The following NTN5 variants were observed in gnomAD, a reference collection of about 807,000 sequenced individuals.
The protein encoded by NTN5 is netrin-5.
A neutral mutation model predicts 38.7 loss-of-function variants in NTN5; 42 were observed. The ratio of observed to expected loss-of-function variants is 1.08; its 90% confidence interval spans 0.85 to 1.40. The LOEUF is 1.40. NTN5 is among the 40% of genes most tolerant of loss of function. NTN5 has a pLI of 0.00. For synonymous variants in NTN5, 329 were observed against 303.9 expected (o/e 1.08, Z -0.86); for missense variants, 658 against 716.5 (o/e 0.92, Z 0.93).
At chr19:48,666,588 C>T (rs1430912840) in intron 2 of NTN5, among the ~76,000 whole-genome samples, 1 of 151,920 alleles carries the variant, frequency 6.6e-6, no homozygotes, top group Non-Finnish European at 1.5e-5. Context: ...TGCAAGGCTC[C>T]TCCCTAGGCT....
intron 2 of NTN5, chr19:48,667,460 C>A: frequency 3.1e-6 from 1 of 325,914 alleles, no homozygotes; most frequent in Non-Finnish European, 6.3e-6. Flanking sequence ...CATCCTCAGG[C>A]CTGGTGAGTC....
rs1292998480 is a variant in NTN5, at chr19:48,663,700, C to G, written c.1024+61G>C. ...GACCCATGTATCCCCATCTGGGGACCCAGTCAGCCCATCCTCATTCCCACT... is the reference window on the plus strand; with the variant it reads ...GACCCATGTATCCCCATCTGGGGACGCAGTCAGCCCATCCTCATTCCCACT... On this transcript the variant is annotated intron_variant, in intron 5 of 6. Coordinates refer to ENST00000270235, the MANE Select transcript of NTN5 (RefSeq NM_145807.4). 1.9e-6 allele frequency: 3 copies of G among 1,557,744 alleles called. No homozygotes were observed. The Middle Eastern group carries it at 5.4e-4, about 279-fold the overall frequency.
At chr19:48,665,854 T>C (rs1274450141) in intron 2 of NTN5, among the ~76,000 whole-genome samples, 1 of 151,488 alleles carries the variant, frequency 6.6e-6, no homozygotes, top group South Asian at 2.1e-4. Context: ...GGCTATGGCC[T>C]GTGGAATCAG....
rs1349141558 is a variant in NTN5, at chr19:48,669,144, TCATCACCAC to T, written c.631+1203_631+1211del. On this transcript the variant is annotated intron_variant, in intron 2 of 6. Coordinates refer to ENST00000270235, the MANE Select transcript of NTN5 (RefSeq NM_145807.4). ...CACCACCACCATCATCATATCACCA[TCATCACCAC>T]CATCACCACCACCACCATCACCACC... Among the ~76,000 whole-genome samples, 160 of 70,994 alleles carry T rather than the reference TCATCACCAC, an allele frequency of 2.3e-3. 3 individuals carry two copies. Among genetic ancestry groups the T allele is most frequent in the African/African-American group, 9.2e-3 (146 of 15,954 alleles). The allele number at this position is 70,994 out of a possible 152,430, so 46.6% of individuals were successfully genotyped here.
intron 2 of NTN5, among the ~76,000 whole-genome samples, chr19:48,669,703 C>T (rs1226835297): frequency 3.9e-5 from 5 of 127,788 alleles, no homozygotes; most frequent in South Asian, 2.7e-4. Context: ...ACCATCATCA[C>T]CATCACCACC....
At chr19:48,671,909 G>A (rs1312088546) in intron 1 of NTN5, among the ~76,000 whole-genome samples, 1 of 151,328 alleles carries the variant, frequency 6.6e-6, no homozygotes, top group Admixed American at 6.6e-5. Context: ...GCTGGGAGCT[G>A]GAACCTGGGT....
At chr19:48,665,692 G>A (rs1472947239) in intron 2 of NTN5, among the ~76,000 whole-genome samples, 2 of 151,754 alleles carry the variant, frequency 1.3e-5, no homozygotes, top group East Asian at 1.9e-4. Flanking sequence ...GGTGGCACGC[G>A]CCTGTAATCC....
Position 48,663,496 on chromosome 19 carries a change from T to A in NTN5, c.1072A>T (p.Met358Leu). Residue 358 changes from methionine (M) to leucine (L), a missense_variant, in exon 6 of 7, where the codon ATG becomes TTG. By Grantham distance (15) the Met-to-Leu change is conservative. Transcript: ENST00000270235. ...TGCTGGCAGTACCTCCGAAGGCTCA[T>A]GTGTACCCTGGTGTCCGACATATTG... ...YCNMSDTRVH[M>L]SLRRYCQQDH... 6.2e-7 allele frequency: 1 copy of A among 1,614,204 alleles called. No homozygotes were observed.
At chr19:48,668,765 T>C (rs2031770177) in intron 2 of NTN5, among the ~76,000 whole-genome samples, 1 of 152,130 alleles carries the variant, frequency 6.6e-6, no homozygotes, top group East Asian at 1.9e-4. Context: ...CACACGTAGG[T>C]GACTGATAAA....
At chr19:48,669,720 A>AT (rs2031866796) in intron 2 of NTN5, among the ~76,000 whole-genome samples, 2 of 127,088 alleles carry the variant, frequency 1.6e-5, no homozygotes, top group East Asian at 5.2e-4. Context: ...CACCATCACC[A>AT]CCACCACCAC....
intron 3 of NTN5, 104 bp from the exon 4 acceptor site, chr19:48,664,396 C>G: frequency 1.4e-6 from 2 of 1,445,092 alleles, no homozygotes; most frequent in East Asian, 2.4e-5. Flanking sequence ...AGGCCCCCAG[C>G]CCCTCTTCCC....
In NTN5 at chr19:48,661,745, G is replaced by A; in HGVS notation, c.1402C>T (p.Gln468Ter). ...CGGCAGCCTCCGGCGCGCTCCTCCT[G>A]CTGCAGCCGCTTCAGGGGCCGGGCC... is the stretch of plus-strand genomic sequence containing the variant. ...RWARPLKRLQ[Q>*]EERAGGCRGV... The change falls in exon 7 of 7, where the codon CAG becomes TAG. Residue 468 changes from glutamine to a stop codon, truncating the protein, a stop_gained. Transcript: ENST00000270235. LOFTEE classifies it low-confidence loss of function (END_TRUNC). 6.6e-7 allele frequency: 1 copy of A among 1,525,526 alleles called. No individual in the cohort carries two copies. The allele number at this position is 1,525,526 out of a possible 1,614,324, so 94.5% of individuals were successfully genotyped here.
At chr19:48,662,071 C>T in intron 6 of NTN5, 30 bp from the exon 7 acceptor site, 2 of 1,421,492 alleles carry the variant, frequency 1.4e-6, no homozygotes, top group Non-Finnish European at 1.8e-6. Context: ...CAGCCCAGGT[C>T]GTGGGGAGCT....
chr19:48,671,818 G>A (rs1053370477), intron 1 of NTN5, among the ~76,000 whole-genome samples: 5 of 67,734 alleles, frequency 7.4e-5, no homozygotes, highest in South Asian at 6.2e-4. Context: ...CCTGCCACCC[G>A]CCCACCCACC....
intron 4 of NTN5, 51 bp downstream of exon 4, chr19:48,664,092 T>C: frequency 6.5e-7 from 1 of 1,544,654 alleles, no homozygotes. Flanking sequence ...AGACCTGGGA[T>C]GTCTCCTTCC....
At chr19:48,669,507 C>T (rs2098342814) in intron 2 of NTN5, among the ~76,000 whole-genome samples, 1 of 41,658 alleles carries the variant, frequency 2.4e-5, no homozygotes, top group Non-Finnish European at 5.1e-5. Flanking sequence ...ACCACCACGA[C>T]CATCATCACC....
chr19:48,661,519 A>T lies in NTN5; in HGVS notation c.*158T>A, dbSNP rs1359136120. On this transcript the variant is annotated 3_prime_UTR_variant, in exon 7 of 7. Transcript: ENST00000270235. ...AGTCCCGCTTGCCGCCTTTTGCTAAAAGTTCCGCACGCCTGCTCGGCGTGG... is the reference window on the plus strand; with the variant it reads ...AGTCCCGCTTGCCGCCTTTTGCTAATAGTTCCGCACGCCTGCTCGGCGTGG... 1.1e-6 allele frequency: 1 copy of T among 932,984 alleles called. No individual in the cohort carries two copies. The highest frequency in any genetic ancestry group is 1.7e-5 in the African/African-American group (1 of 57,464). 57.8% of individuals were successfully genotyped at this position (932,984 alleles called of 1,614,324 possible).
chr19:48,669,760 T>C (rs1370438597), intron 2 of NTN5, among the ~76,000 whole-genome samples: 2,391 of 22,742 alleles, frequency 0.11, no homozygotes, highest in East Asian at 0.2. Context: ...ATCACCATCG[T>C]CACCACTACC....
At chr19:48,662,229 G>A (rs1192198675) in intron 6 of NTN5, among the ~76,000 whole-genome samples, 188 bp from the exon 7 acceptor site, 4 of 152,110 alleles carry the variant, frequency 2.6e-5, no homozygotes, top group African/African-American at 9.7e-5. Flanking sequence ...CCTGCTGGAG[G>A]AAACATCTTT....
Sources: gnomAD v4.1 joint callset for allele counts (sites outside exome capture counted in the v4.1 genomes callset) on GRCh38, gnomAD v4.1.1 for gene constraint, MANE v1.5 for transcripts, NCBI Gene and HGNC (gene_info 2026-07-23, HGNC 2026-07-21) for gene names.